IPCEF1: variants seen among roughly 807,000 people sequenced by gnomAD.
IPCEF1 encodes the protein interactor protein for cytohesin exchange factors 1.
A neutral mutation model predicts 50.9 loss-of-function variants in IPCEF1; 31 were observed. The ratio of observed to expected loss-of-function variants is 0.61; its 90% CI spans 0.46 to 0.82. The LOEUF is 0.82. Ranked by LOEUF, IPCEF1 falls within the 40% of genes least tolerant of loss-of-function variation. The pLI is 0.00. For synonymous variants in IPCEF1, 181 were observed against 192.0 expected (o/e 0.94, Z 0.47); for missense variants, 458 against 514.0 (o/e 0.89, Z 1.05).
rs1315533502 is a variant in IPCEF1 at position 154,224,831 on chromosome 6, G to A, written c.247-1588C>T. Among the ~76,000 whole-genome samples the A allele has an allele frequency of 2.0e-5, 3 of 152,126 alleles. No homozygotes were observed. In the South Asian group the frequency reaches 6.2e-4, roughly 32 times the overall value. ...AGAGTGAATATGTACTCATTCATAT[G>A]TATATTATATATATGCAGCTTCTCT... On this transcript the variant is annotated intron_variant, in intron 5 of 11. Transcript: ENST00000367220.
intron 9 of IPCEF1, among the ~76,000 whole-genome samples, chr6:154,203,771 G>C (rs1361674406): frequency 1.3e-5 from 2 of 152,080 alleles, no homozygotes; most frequent in Non-Finnish European, 1.5e-5. Context: ...TTTGCCTCTT[G>C]TTTGACACAT....
chr6:154,165,451 T>A (rs1236072843), intron 11 of IPCEF1, among the ~76,000 whole-genome samples: 1 of 152,246 alleles, frequency 6.6e-6, no homozygotes, highest in East Asian at 1.9e-4. Context: ...TTGCTTTTGT[T>A]CAGCTTCTTC....
At chr6:154,280,132 G>A (rs983300460) in intron 2 of IPCEF1, among the ~76,000 whole-genome samples, 8 of 152,180 alleles carry the variant, frequency 5.3e-5, no homozygotes, top group Non-Finnish European at 1.2e-4. Flanking sequence ...AAAGTGTTTG[G>A]CAACACCTGC....
intron 3 of IPCEF1, among the ~76,000 whole-genome samples, chr6:154,259,896 G>A (rs1342409612): frequency 3.9e-5 from 6 of 152,098 alleles, no homozygotes; most frequent in Non-Finnish European, 7.4e-5. Flanking sequence ...TCAACATAGG[G>A]TTATGTTGAT....
chr6:154,304,712 A>G (rs1328411166), intron 1 of IPCEF1, among the ~76,000 whole-genome samples: 4 of 152,202 alleles, frequency 2.6e-5, no homozygotes, highest in Non-Finnish European at 5.9e-5. Context: ...TGACCTAATA[A>G]CACCATGCTC....
intron 1 of IPCEF1, among the ~76,000 whole-genome samples, chr6:154,316,284 C>G (rs1562286011): frequency 1.3e-5 from 2 of 152,198 alleles, no homozygotes; most frequent in Non-Finnish European, 2.9e-5. Context: ...ACTTAATAAA[C>G]TACAGCACAG....
intron 1 of IPCEF1, among the ~76,000 whole-genome samples, chr6:154,296,599 G>A (rs527453468): frequency 1.3e-5 from 2 of 152,154 alleles, no homozygotes; most frequent in Non-Finnish European, 2.9e-5. Context: ...GGAGGCCGAG[G>A]AGGGCAGATC....
At chr6:154,241,771 G>A (rs1003173888) in intron 5 of IPCEF1, among the ~76,000 whole-genome samples, 2 of 151,936 alleles carry the variant, frequency 1.3e-5, no homozygotes, top group Non-Finnish European at 1.5e-5. Flanking sequence ...CATATTTTTC[G>A]CATGCCAATT....
chr6:154,233,233 T>G (rs1482080151), intron 5 of IPCEF1, among the ~76,000 whole-genome samples: 1 of 152,214 alleles, frequency 6.6e-6, no homozygotes, highest in Non-Finnish European at 1.5e-5. Flanking sequence ...CCTCCCAAAG[T>G]GCAAAATAAG....
intron 2 of IPCEF1, among the ~76,000 whole-genome samples, chr6:154,283,052 G>A (rs1451083828): frequency 6.6e-6 from 1 of 152,144 alleles, no homozygotes; most frequent in Non-Finnish European, 1.5e-5. Flanking sequence ...CCAGCACTTT[G>A]GGAGGCCGAG....
intron 5 of IPCEF1, among the ~76,000 whole-genome samples, chr6:154,227,457 G>A (rs1214589971): frequency 2.0e-5 from 3 of 151,992 alleles, no homozygotes; most frequent in East Asian, 3.9e-4. Context: ...ACTGGCTCAC[G>A]CCTGTAATCC....
chr6:154,247,483 A>C lies in IPCEF1; in HGVS notation c.42T>G (p.Val14=), dbSNP rs780779425. 1 of 1,612,538 alleles carries C rather than the reference A, an allele frequency of 6.2e-7. No individual in the cohort carries two copies. Among genetic ancestry groups the C allele is most frequent in the Non-Finnish European group, 8.5e-7 (1 of 1,178,790 alleles). Residue 14 remains valine (V), a synonymous_variant, in exon 4 of 12, where the codon GTT becomes GTG. Transcript: ENST00000367220. ...YMAIDGSALQ[V]PLRQKPRRKT... The stretch of plus-strand genomic sequence containing the variant: ...TCCTCCTGGGCTTCTGACGCAAGGG[A>C]ACCTGCTGAAAATGCAGGAAGGAAA...
At chr6:154,321,413 A>G (rs1783371242) in intron 1 of IPCEF1, among the ~76,000 whole-genome samples, 1 of 152,020 alleles carries the variant, frequency 6.6e-6, no homozygotes, top group Non-Finnish European at 1.5e-5. Flanking sequence ...TAAACATTTC[A>G]GGAAAGAGGG....
intron 10 of IPCEF1, among the ~76,000 whole-genome samples, chr6:154,195,282 G>C (rs941553141): frequency 6.6e-6 from 1 of 151,610 alleles, no homozygotes; most frequent in Non-Finnish European, 1.5e-5. Context: ...CGAGTAGGTG[G>C]GACTACAGGC....
intron 11 of IPCEF1, among the ~76,000 whole-genome samples, chr6:154,163,552 T>TA (rs1435548413): frequency 6.6e-6 from 1 of 152,218 alleles, no homozygotes; most frequent in Admixed American, 6.5e-5. Flanking sequence ...TACTAAAACA[T>TA]AAGCTTCCGG....
intron 10 of IPCEF1, among the ~76,000 whole-genome samples, chr6:154,174,867 A>T (rs1434482793): frequency 6.6e-6 from 1 of 152,228 alleles, no homozygotes; most frequent in East Asian, 1.9e-4. Flanking sequence ...AACAGAATAT[A>T]GATTTTTCTC....
intron 3 of IPCEF1, among the ~76,000 whole-genome samples, chr6:154,249,753 G>A (rs750612514): frequency 4.6e-5 from 7 of 151,856 alleles, no homozygotes; most frequent in South Asian, 4.1e-4. Context: ...GGAGCCCTCC[G>A]GCTCCACCTT....
chr6:154,312,549 T>C (rs1470885763), intron 1 of IPCEF1, among the ~76,000 whole-genome samples: 1 of 152,044 alleles, frequency 6.6e-6, no homozygotes, highest in Non-Finnish European at 1.5e-5. Flanking sequence ...GGTTTCACCA[T>C]GTTGGCCAGG....
intron 1 of IPCEF1, among the ~76,000 whole-genome samples, chr6:154,313,091 GC>G (rs1203388296): frequency 3.4e-5 from 2 of 59,074 alleles, no homozygotes; most frequent in Non-Finnish European, 6.4e-5. Flanking sequence ...AAAAAACATG[GC>G]CGGGCACAGT....
Sources: gnomAD v4.1 joint callset for allele counts (sites outside exome capture counted in the v4.1 genomes callset) on GRCh38, gnomAD v4.1.1 for gene constraint, MANE v1.5 for transcripts, NCBI Gene and HGNC (gene_info 2026-07-23, HGNC 2026-07-21) for gene names.